Variants in CACNA1H observed in about 807,000 individuals in gnomAD.
CACNA1H encodes voltage-dependent T-type calcium channel subunit alpha-1H.
CACNA1H carries 149 observed loss-of-function variants against 192.5 expected under a neutral mutation model. That is an observed-to-expected ratio of 0.77 (90% CI 0.68 to 0.89). The LOEUF is 0.89. Among genes scored for constraint, CACNA1H ranks in the 40% least tolerant of loss-of-function variants. The probability of loss-of-function intolerance (pLI) is 0.00; values close to 1 mark genes in which losing one functional copy is unlikely to be tolerated. For synonymous variants in CACNA1H, 2,202 were observed against 1,475.2 expected, an observed-to-expected ratio of 1.49 and a Z score of -11.29; for missense variants, 4,257 against 3,423.5, an observed-to-expected ratio of 1.24 and a Z score of -6.08.
intron 2 of CACNA1H, among the ~76,000 whole-genome samples, chr16:1,187,009 TC>T (rs1966136549): frequency 6.6e-6 from 1 of 152,206 alleles, no homozygotes; most frequent in Admixed American, 6.5e-5. Flanking sequence ...CTCCTGGGTC[TC>T]TTGATGTGGG....
intron 5 of CACNA1H, among the ~76,000 whole-genome samples, chr16:1,196,648 C>T (rs1242445916): frequency 2.0e-5 from 3 of 152,194 alleles, no homozygotes; most frequent in Non-Finnish European, 4.4e-5. Flanking sequence ...GGAAATCCTT[C>T]AGGATTTGGC....
In CACNA1H at chr16:1,204,091, G is replaced by A. The variant is rs59474756; in HGVS notation, c.2084G>A (p.Cys695Tyr). 1.2e-6 allele frequency: 2 copies of A among 1,609,710 alleles called. No homozygotes were observed. The highest frequency in any genetic ancestry group is 1.3e-5 in the African/African-American group (1 of 75,004). Residue 695 changes from cysteine to tyrosine, a missense_variant, in exon 10 of 35, where the codon TGT becomes TAT. Transcript: ENST00000348261. ...LPSPPAGTLT[C>Y]ELKSCPYCTR... Reference sequence around the variant, plus strand: ...AGCCCCCCAGCGGGCACACTGACCTGTGAGCTGAAGAGCTGCCCGTACTGC... The same window carrying A: ...AGCCCCCCAGCGGGCACACTGACCTATGAGCTGAAGAGCTGCCCGTACTGC...
intron 11 of CACNA1H, among the ~76,000 whole-genome samples, chr16:1,205,489 G>A (rs1968582639): frequency 1.3e-5 from 2 of 152,224 alleles, no homozygotes. Context: ...ACTACGGGGT[G>A]CGCACCTGTT....
chr16:1,153,653 C>T lies in CACNA1H; in HGVS notation c.-18-67C>T, dbSNP rs1284242836. ...CCGGCGGCCGCGGCTGTTCCCGCAG[C>T]TCCGCGCCGCGGGAGGCAGGGCGGG... On this transcript the variant is annotated intron_variant, in intron 1 of 34. Transcript: ENST00000348261. The T allele has an allele frequency of 3.8e-5, 39 of 1,038,570 alleles. No homozygotes were observed. In the South Asian group the frequency reaches 1.3e-3, roughly 35 times the overall value. The allele number at this position is 1,038,570 out of a possible 1,614,324, so 64.3% of individuals were successfully genotyped here. A position where few individuals can be genotyped will look rare whatever the true frequency, so the allele number is the denominator to read the frequency against.
In CACNA1H at chr16:1,207,721, C is replaced by G. The variant is rs747926652; in HGVS notation, c.3064-49C>G. On this transcript the variant is annotated intron_variant, in intron 14 of 34. Coordinates refer to ENST00000348261, the MANE Select transcript of CACNA1H (RefSeq NM_021098.3). Reference sequence around the variant, plus strand: ...CAGACTTCTGTCCGGCATGAAGGGTCCCCACTCACGGGGCCCCTCATGCCT... The same window carrying G: ...CAGACTTCTGTCCGGCATGAAGGGTGCCCACTCACGGGGCCCCTCATGCCT... 4 of 1,479,988 alleles carry G rather than the reference C, an allele frequency of 2.7e-6. No homozygotes were observed. The African/African-American group carries it at 4.2e-5, about 15-fold the overall frequency. 91.7% of individuals were successfully genotyped at this position (1,479,988 alleles called of 1,614,324 possible). A position where few individuals can be genotyped will look rare whatever the true frequency, so the allele number is the denominator to read the frequency against.
intron 3 of CACNA1H, 60 bp downstream of exon 3, chr16:1,195,143 A>T: frequency 4.8e-6 from 1 of 207,602 alleles, no homozygotes; most frequent in Non-Finnish European, 8.2e-6. Flanking sequence ...TTATGGTTCA[A>T]GGCGGAGTGG....
intron 18 of CACNA1H, 22 bp from the exon 19 acceptor site, chr16:1,210,348 T>TCCCCCCCCCCCCCC: frequency 7.2e-5 from 20 of 277,468 alleles, no homozygotes; most frequent in Non-Finnish European, 1.1e-4. Context: ...GCCCCACCTC[T>TCCCCCCCCCCCCCC]CACCCGCCCC....
In CACNA1H at chr16:1,195,941, G is replaced by C. The variant is rs762058094; in HGVS notation, c.561G>C (p.Ser187=). 1.2e-6 allele frequency: 2 copies of C among 1,613,038 alleles called. No individual in the cohort carries two copies. Among genetic ancestry groups the C allele is most frequent in the African/African-American group, 1.3e-5 (1 of 75,044 alleles). Residue 187 remains serine, a synonymous_variant, in exon 5 of 35, where the codon TCG becomes TCC. Transcript: ENST00000348261. The stretch of plus-strand genomic sequence containing the variant: ...CCGCCCCCAGCATGATGGAGTACTC[G>C]TTGGACGGACACAACGTGAGCCTCT... ...FIVVAGMMEY[S]LDGHNVSLSA...
At position 1,209,440 on chromosome 16, in the gene CACNA1H, C is replaced by T. The variant is rs751161205; in HGVS notation, c.3744+28C>T. On this transcript the variant is annotated intron_variant, in intron 17 of 34. Coordinates refer to ENST00000348261, the MANE Select transcript of CACNA1H (RefSeq NM_021098.3). ...GAGTGCGTGGCCCTGGGCCCACCGC[C>T]GACTCGCCTTCGTCTGTCTGGGGCA... 1.3e-5 allele frequency: 20 copies of T among 1,589,798 alleles called. No homozygotes were observed. The Admixed American group carries it at 1.5e-4, about 12-fold the overall frequency.
At chr16:1,185,509 C>CCCG (rs1965906569) in intron 2 of CACNA1H, among the ~76,000 whole-genome samples, 7 of 143,880 alleles carry the variant, frequency 4.9e-5, no homozygotes, top group African/African-American at 1.5e-4. Flanking sequence ...AGTCCCCCCC[C>CCCG]CCGCCGAGTC....
Position 1,210,049 on chromosome 16 carries a change from C to T in CACNA1H, c.3759C>T (p.Arg1253=), listed in dbSNP as rs1213548876. ...TCATCCCACAGAGCTGCTGCCTCCG[C>T]CTGCATAAAGTGCTGGAGCCCTACA... The part of the protein sequence containing the change: ...DDDSEDSCCL[R]LHKVLEPYKP... Residue 1253 remains arginine, a synonymous_variant, in exon 18 of 35, where the codon CGC becomes CGT. Transcript: ENST00000348261. The T allele has an allele frequency of 6.4e-7, 1 of 1,551,622 alleles. No homozygotes were observed. Among genetic ancestry groups the T allele is most frequent in the Admixed American group, 1.9e-5 (1 of 51,352 alleles).
intron 2 of CACNA1H, 26 bp downstream of exon 2, chr16:1,154,062 GGGGGGCGGGGGGCGTGGGGAGGGT>G: frequency 3.1e-6 from 3 of 957,560 alleles, no homozygotes; most frequent in Non-Finnish European, 4.0e-6. Flanking sequence ...GGCGGGGGGC[GGGGGGCGGGGGGCGTGGGGAGGGT>G]GGGGGCCCGG....
intron 5 of CACNA1H, among the ~76,000 whole-genome samples, chr16:1,197,722 G>T (rs1339083503): frequency 6.6e-6 from 1 of 152,190 alleles, no homozygotes; most frequent in Non-Finnish European, 1.5e-5. Context: ...TCACCCTTGT[G>T]ACCTGAGGGG....
chr16:1,181,410 C>T (rs972704647), intron 2 of CACNA1H, among the ~76,000 whole-genome samples: 2 of 152,242 alleles, frequency 1.3e-5, no homozygotes, highest in East Asian at 1.9e-4. Context: ...ACGCCCGCGT[C>T]GGCCAGGAGA....
chr16:1,205,180 A>G lies in CACNA1H; in HGVS notation c.2518A>G (p.Met840Val), dbSNP rs757231669. Residue 840 changes from methionine (M) to valine (V), a missense_variant, in exon 11 of 35, where the codon ATG becomes GTG. Met to Val is a conservative substitution (Grantham distance 21, BLOSUM62 1). Coordinates refer to ENST00000348261, the MANE Select transcript of CACNA1H (RefSeq NM_021098.3). ...GTTCACCAGCATGTTTGCCCTGGAG[A>G]TGCTGCTGAAGCTGCTGGCCTGCGG... ...IVFTSMFALE[M>V]LLKLLACGPL... The G allele has an allele frequency of 2.5e-6, 4 of 1,613,116 alleles. No individual in the cohort carries two copies. Among genetic ancestry groups the G allele is most frequent in the Middle Eastern group, 1.7e-4 (1 of 6,058 alleles).
chr16:1,166,146 G>A (rs1388346716), intron 2 of CACNA1H, among the ~76,000 whole-genome samples: 1 of 152,240 alleles, frequency 6.6e-6, no homozygotes, highest in South Asian at 2.1e-4. Flanking sequence ...CTGGGGAAGG[G>A]GCAGGCAGGC....
intron 32 of CACNA1H, 75 bp downstream of exon 32, chr16:1,218,115 T>C: frequency 6.5e-7 from 1 of 1,547,524 alleles, no homozygotes; most frequent in Non-Finnish European, 8.7e-7. Flanking sequence ...ACGGGTCGGA[T>C]CCGTCCTTGC....
chr16:1,190,378 A>G (rs1390105075), intron 2 of CACNA1H, among the ~76,000 whole-genome samples: 2 of 152,268 alleles, frequency 1.3e-5, no homozygotes, highest in African/African-American at 4.8e-5. Flanking sequence ...GCCGGCAGAC[A>G]CTGCCTGTCC....
intron 2 of CACNA1H, among the ~76,000 whole-genome samples, chr16:1,178,529 G>A (rs564029934): frequency 2.8e-4 from 43 of 152,236 alleles, no homozygotes; most frequent in African/African-American, 1.0e-3. Flanking sequence ...TGACAGTGGC[G>A]TCTACAGGCC....
Sources: allele counts gnomAD v4.1 joint callset (sites outside exome capture counted in the v4.1 genomes callset), GRCh38; gene constraint gnomAD v4.1.1; transcripts MANE v1.5; gene names NCBI Gene and HGNC (gene_info 2026-07-23, HGNC 2026-07-21).